The following SAMSN1 variants were observed in gnomAD, a reference collection of about 807,000 sequenced individuals.
SAMSN1 encodes the protein SAM domain, SH3 domain and nuclear localization signals 1.
Under a neutral mutation model 42.0 loss-of-function variants are expected in SAMSN1, and 31 were observed. The observed-to-expected ratio is 0.74, with a 90% CI of 0.55 to 1.00. The LOEUF (loss-of-function observed/expected upper bound fraction) is 1.00, where lower values mean the gene tolerates loss of function less well. Among genes scored for constraint, SAMSN1 ranks in the 50% least tolerant of loss-of-function variants. The pLI, the probability that SAMSN1 is intolerant of heterozygous loss-of-function variation, is 0.00. For synonymous variants in SAMSN1, 178 were observed against 151.9 expected (o/e 1.17, Z -1.26); for missense variants, 464 against 439.4 (o/e 1.06, Z -0.50).
chr21:14,537,778 T>C (rs1307184584), intron 1 of SAMSN1, among the ~76,000 whole-genome samples: 1 of 152,190 alleles, frequency 6.6e-6, no homozygotes, highest in African/African-American at 2.4e-5. Context: ...TAGAGCATCA[T>C]TTCCAAATTA....
At chr21:14,614,361 T>C (rs1284947004) in intron 3 of SAMSN1, among the ~76,000 whole-genome samples, 2 of 152,092 alleles carry the variant, frequency 1.3e-5, no homozygotes, top group Non-Finnish European at 2.9e-5. Context: ...GTGATATGAG[T>C]TTATCATTAA....
intron 2 of SAMSN1, among the ~76,000 whole-genome samples, chr21:14,623,421 A>G (rs1177943232): frequency 6.6e-6 from 1 of 152,218 alleles, no homozygotes; most frequent in Admixed American, 6.5e-5. Context: ...AAATAAAGGG[A>G]TGGAAGAAGA....
At chr21:14,489,821 T>G (rs183431554) in intron 7 of SAMSN1, among the ~76,000 whole-genome samples, 2 of 152,240 alleles carry the variant, frequency 1.3e-5, no homozygotes, top group African/African-American at 4.8e-5. Context: ...TTATCAATGT[T>G]GAAAGAAAAG....
intron 4 of SAMSN1, among the ~76,000 whole-genome samples, chr21:14,612,092 G>C (rs1212419275): frequency 6.6e-6 from 1 of 152,168 alleles, no homozygotes; most frequent in Non-Finnish European, 1.5e-5. Context: ...AATTAGCTGG[G>C]TGTGATGGCA....
chr21:14,522,820 G>A (rs1252093930), intron 1 of SAMSN1, among the ~76,000 whole-genome samples: 1 of 152,038 alleles, frequency 6.6e-6, no homozygotes, highest in Non-Finnish European at 1.5e-5. Flanking sequence ...GCTGTGAGTG[G>A]CCAGAGCCTA....
At chr21:14,590,309 C>T (rs1982043800) in intron 7 of SAMSN1, among the ~76,000 whole-genome samples, 1 of 151,286 alleles carries the variant, frequency 6.6e-6, no homozygotes, top group Non-Finnish European at 1.5e-5. Flanking sequence ...CTTGCTCTGT[C>T]CACCAAGCTG....
intron 2 of SAMSN1, chr21:14,642,952 A>C: frequency 4.3e-6 from 3 of 701,156 alleles, no homozygotes; most frequent in Non-Finnish European, 7.9e-6. Flanking sequence ...AAGAGATTCT[A>C]GAACTATAAT....
At chr21:14,586,129 G>C (rs919174196), upstream of SAMSN1, among the ~76,000 whole-genome samples, 1 of 151,244 alleles carries the variant, frequency 6.6e-6, no homozygotes, top group Non-Finnish European at 1.5e-5. Flanking sequence ...TGGGTGTGGT[G>C]GCATGCACCT....
chr21:14,605,806 A>AGATT (rs1491194246), intron 5 of SAMSN1, among the ~76,000 whole-genome samples: 9 of 143,204 alleles, frequency 6.3e-5, no homozygotes, highest in African/African-American at 2.1e-4. Flanking sequence ...TATGTAAAGA[A>AGATT]GATTTATTTA....
chr21:14,633,216 C>A (rs970596410), intron 2 of SAMSN1, among the ~76,000 whole-genome samples: 2 of 152,174 alleles, frequency 1.3e-5, no homozygotes, highest in Non-Finnish European at 2.9e-5. Flanking sequence ...CACATACACA[C>A]ACACAGACAC....
At chr21:14,521,029 C>A in intron 2 of SAMSN1, 121 bp downstream of exon 2, 1 of 662,430 alleles carries the variant, frequency 1.5e-6, no homozygotes. Flanking sequence ...AAAACATATG[C>A]AAGGCTATAA....
At chr21:14,515,871 G>T (rs1056054178) in intron 3 of SAMSN1, among the ~76,000 whole-genome samples, 1 of 152,078 alleles carries the variant, frequency 6.6e-6, no homozygotes, top group Non-Finnish European at 1.5e-5. Flanking sequence ...TAGATAAATG[G>T]CTAAAAAGCA....
At chr21:14,502,831 G>C (rs934315795) in intron 5 of SAMSN1, among the ~76,000 whole-genome samples, 2 of 152,136 alleles carry the variant, frequency 1.3e-5, no homozygotes, top group African/African-American at 4.8e-5. Context: ...TAATAGCATG[G>C]AAGGGATCAA....
chr21:14,548,877 C>G (rs746526647), upstream of SAMSN1, among the ~76,000 whole-genome samples: 9 of 151,914 alleles, frequency 5.9e-5, no homozygotes, highest in Non-Finnish European at 1.3e-4. Context: ...AGAGTCAGTA[C>G]AGAGCACACC....
chr21:14,612,019 G>A (rs1465880086), intron 4 of SAMSN1, among the ~76,000 whole-genome samples: 6 of 152,244 alleles, frequency 3.9e-5, no homozygotes, highest in Non-Finnish European at 7.4e-5. Flanking sequence ...CGGATCACGA[G>A]GTCAAGAGAT....
At chr21:14,617,969 C>A (rs777165056) in intron 2 of SAMSN1, among the ~76,000 whole-genome samples, 7 of 152,198 alleles carry the variant, frequency 4.6e-5, no homozygotes, top group Non-Finnish European at 8.8e-5. Flanking sequence ...ACACTTGTAA[C>A]AGCTGATTGT....
At chr21:14,487,594 T>TCTG (rs1259532168) in intron 7 of SAMSN1, among the ~76,000 whole-genome samples, 1 of 152,118 alleles carries the variant, frequency 6.6e-6, no homozygotes, top group African/African-American at 2.4e-5. Context: ...ATTCTGTAGT[T>TCTG]TAGAAGAAAA....
At chr21:14,609,837 G>T (rs1600961657) in intron 4 of SAMSN1, among the ~76,000 whole-genome samples, 1 of 152,164 alleles carries the variant, frequency 6.6e-6, no homozygotes, top group Non-Finnish European at 1.5e-5. Flanking sequence ...CTTACACCTG[G>T]CCTGTCTTTA....
chr21:14,652,962 A>T (rs1445953710), intron 1 of SAMSN1, among the ~76,000 whole-genome samples: 2 of 152,128 alleles, frequency 1.3e-5, no homozygotes, highest in Non-Finnish European at 2.9e-5. Context: ...CATCAGAGAA[A>T]TGCAAATCAA....
Sources: allele counts gnomAD v4.1 joint callset (sites outside exome capture counted in the v4.1 genomes callset), GRCh38; gene constraint gnomAD v4.1.1; transcripts MANE v1.5; gene names NCBI Gene and HGNC (gene_info 2026-07-23, HGNC 2026-07-21).